ZC2HC1A: variants seen among roughly 807,000 people sequenced by gnomAD.
ZC2HC1A encodes the protein zinc finger C2HC-type containing 1A.
In ZC2HC1A, 28 loss-of-function variants were observed where a neutral mutation model predicts 40.7. That is an observed-to-expected ratio of 0.69 (90% CI 0.51 to 0.94). The LOEUF is 0.94. ZC2HC1A is among the 40% of genes least tolerant of loss of function. The pLI is 0.00. For missense variants in ZC2HC1A, 389 were observed against 386.3 expected, an observed-to-expected ratio of 1.01 and a Z score of -0.06; for synonymous variants, 129 against 129.2, an observed-to-expected ratio of 1.00 and a Z score of 0.01.
chr8:78,698,606 C>A, intron 7 of ZC2HC1A, 93 bp downstream of exon 7: 1 of 946,404 alleles, frequency 1.1e-6, no homozygotes, highest in African/African-American at 1.7e-5. Context: ...CATTCATCTT[C>A]ATTTCCTAAG....
chr8:78,683,451 C>T (rs1031003661), intron 3 of ZC2HC1A, among the ~76,000 whole-genome samples: 12 of 152,228 alleles, frequency 7.9e-5, no homozygotes, highest in African/African-American at 2.4e-4. Flanking sequence ...TGGGCTTGCA[C>T]CTCTGAAGCC....
intron 3 of ZC2HC1A, among the ~76,000 whole-genome samples, chr8:78,686,178 A>G (rs1472301864): frequency 6.6e-6 from 1 of 152,182 alleles, no homozygotes; most frequent in African/African-American, 2.4e-5. Context: ...TGGAGGGAAC[A>G]TTGAACCACA....
At chr8:78,697,344 C>T (rs1810455522) in intron 5 of ZC2HC1A, 63 bp from the exon 6 acceptor site, 1 of 1,307,358 alleles carries the variant, frequency 7.6e-7, no homozygotes, top group Non-Finnish European at 1.1e-6. Flanking sequence ...AGTTTTGAAC[C>T]ACTACTTTAC....
At chr8:78,690,342 G>A (rs1465704013) in intron 5 of ZC2HC1A, among the ~76,000 whole-genome samples, 3 of 152,074 alleles carry the variant, frequency 2.0e-5, no homozygotes, top group East Asian at 3.9e-4. Context: ...GGCAGATCAC[G>A]ATTGTCAGGA....
intron 3 of ZC2HC1A, among the ~76,000 whole-genome samples, chr8:78,681,075 C>T (rs1242715860): frequency 6.9e-6 from 1 of 144,732 alleles, no homozygotes; most frequent in African/African-American, 2.5e-5. Flanking sequence ...AGGCTGTGAC[C>T]TTTTTTTTTT....
At chr8:78,707,370 A>G (rs1810805662) in intron 7 of ZC2HC1A, among the ~76,000 whole-genome samples, 4 of 152,182 alleles carry the variant, frequency 2.6e-5, no homozygotes, top group Admixed American at 6.5e-5. Context: ...GAGTTAGAAG[A>G]CTAGGTTTCT....
At position 78,717,387 on chromosome 8, in the gene ZC2HC1A, A is replaced by G. The variant is rs1054251539; in HGVS notation, c.872A>G (p.His291Arg). 2.6e-5 allele frequency: 42 copies of G among 1,613,776 alleles called. No individual in the cohort carries two copies. Among genetic ancestry groups the G allele is most frequent in the Non-Finnish European group, 3.6e-5 (42 of 1,179,904 alleles). ...GGAAATATTAAAGGCATTGAAGGAC[A>G]TTCACCTGGAAACTTACCAAAATTC... is the stretch of plus-strand genomic sequence containing the variant. ...NGGNIKGIEG[H>R]SPGNLPKFCH... Residue 291 changes from histidine to arginine, a missense_variant, in exon 9 of 9, where the codon CAT (histidine) becomes CGT (arginine). Physicochemically the swap from His to Arg is conservative, Grantham distance 29 (BLOSUM62 0). Coordinates refer to ENST00000263849, the MANE Select transcript of ZC2HC1A (RefSeq NM_016010.3).
chr8:78,702,633 G>A (rs1810641947), intron 7 of ZC2HC1A, among the ~76,000 whole-genome samples: 1 of 152,154 alleles, frequency 6.6e-6, no homozygotes, highest in Admixed American at 6.5e-5. Flanking sequence ...TGCCTTAGCT[G>A]TGTTCTAGAG....
intron 5 of ZC2HC1A, among the ~76,000 whole-genome samples, chr8:78,696,592 T>G (rs891118383): frequency 6.6e-6 from 1 of 152,112 alleles, no homozygotes; most frequent in East Asian, 1.9e-4. Flanking sequence ...TAAAATAAAA[T>G]TAATAAAGAT....
At chr8:78,673,207 T>A (rs1809483123) in intron 1 of ZC2HC1A, among the ~76,000 whole-genome samples, 1 of 152,142 alleles carries the variant, frequency 6.6e-6, no homozygotes, top group Non-Finnish European at 1.5e-5. Flanking sequence ...AGAAAGATGG[T>A]TTCCAGCTTC....
At chr8:78,696,495 A>G (rs1187526860) in intron 5 of ZC2HC1A, among the ~76,000 whole-genome samples, 1 of 152,196 alleles carries the variant, frequency 6.6e-6, no homozygotes, top group African/African-American at 2.4e-5. Flanking sequence ...ACCCTGGGCA[A>G]GTTCATTTCT....
intron 4 of ZC2HC1A, among the ~76,000 whole-genome samples, chr8:78,688,366 T>C (rs1256500470): frequency 6.6e-6 from 1 of 152,188 alleles, no homozygotes; most frequent in East Asian, 1.9e-4. Context: ...AGCTTATTTC[T>C]TTCTTATGAG....
intron 2 of ZC2HC1A, among the ~76,000 whole-genome samples, chr8:78,678,059 C>T (rs561469092): frequency 2.6e-5 from 4 of 152,220 alleles, no homozygotes; most frequent in Admixed American, 1.3e-4. Context: ...AGGTCACTCT[C>T]GTCACCATTT....
At chr8:78,668,992 T>C (rs530772425) in intron 1 of ZC2HC1A, among the ~76,000 whole-genome samples, 18 of 152,306 alleles carry the variant, frequency 1.2e-4, no homozygotes, top group Non-Finnish European at 1.9e-4. Context: ...TATTAGATCT[T>C]AGTACTGCCC....
chr8:78,708,788 C>G (rs1266799728), intron 7 of ZC2HC1A, among the ~76,000 whole-genome samples: 1 of 149,798 alleles, frequency 6.7e-6, no homozygotes, highest in Non-Finnish European at 1.5e-5. Flanking sequence ...TCAAGTGATT[C>G]TGCTGCCTCA....
intron 8 of ZC2HC1A, among the ~76,000 whole-genome samples, chr8:78,717,108 G>T (rs1366641241): frequency 2.0e-5 from 3 of 151,904 alleles, no homozygotes. Context: ...GCTGCATTTG[G>T]TCATGGTAAA....
chr8:78,670,094 A>G (rs1315443160), intron 1 of ZC2HC1A, among the ~76,000 whole-genome samples: 1 of 151,044 alleles, frequency 6.6e-6, no homozygotes, highest in Non-Finnish European at 1.5e-5. Flanking sequence ...CAGCCTCCGG[A>G]GTAGCTGGGA....
At chr8:78,712,022 C>T (rs563965387) in intron 7 of ZC2HC1A, 9 of 1,289,568 alleles carry the variant, frequency 7.0e-6, no homozygotes, top group East Asian at 5.6e-5. Context: ...CCACTTCGAA[C>T]GGGAAGACTT....
At chr8:78,666,995 A>C (rs1258222094) in intron 1 of ZC2HC1A, among the ~76,000 whole-genome samples, 3 of 152,368 alleles carry the variant, frequency 2.0e-5, no homozygotes, top group African/African-American at 7.2e-5. Context: ...ATTTGTTATG[A>C]TGAAGAACAA....
Sources: allele counts gnomAD v4.1 joint callset (sites outside exome capture counted in the v4.1 genomes callset), GRCh38; gene constraint gnomAD v4.1.1; transcripts MANE v1.5; gene names NCBI Gene and HGNC (gene_info 2026-07-23, HGNC 2026-07-21).